HOMER1: variants seen among roughly 807,000 people sequenced by gnomAD.
HOMER1 encodes the protein homer scaffold protein 1.
HOMER1 carries 3 observed loss-of-function variants against 48.9 expected under a neutral mutation model. The observed-to-expected ratio is 0.06, with a 90% CI of 0.03 to 0.16. The LOEUF (loss-of-function observed/expected upper bound fraction) is 0.16. Among genes scored for constraint, HOMER1 ranks in the 10% least tolerant of loss-of-function variants. The pLI is 1.00. For synonymous variants in HOMER1, 134 were observed against 146.4 expected, an observed-to-expected ratio of 0.92 and a Z score of 0.61; for missense variants, 247 against 411.4, an observed-to-expected ratio of 0.60 and a Z score of 3.46.
rs79742333 is a variant in HOMER1, at chr5:79,421,924, A to G, written c.527+17086T>C. On this transcript the variant is annotated intron_variant, in intron 5 of 8. Transcript: ENST00000334082. The stretch of plus-strand genomic sequence containing the variant: ...GCCTGGCCAATACTTTTCAATGTAA[A>G]TAGTTATAAAAATCAACATAGGCCG... 5.6e-3 allele frequency among the ~76,000 whole-genome samples: 860 copies of G among 152,220 alleles called. 7 individuals carry two copies. Among genetic ancestry groups the G allele is most frequent in the African/African-American group, 0.02 (827 of 41,532 alleles).
chr5:79,472,403 A>C (rs1202593336), intron 1 of HOMER1, among the ~76,000 whole-genome samples: 1 of 152,222 alleles, frequency 6.6e-6, no homozygotes, highest in Non-Finnish European at 1.5e-5. Context: ...GTAAACATTC[A>C]TTGAGCTGCA....
chr5:79,387,937 A>T (rs767027172), intron 8 of HOMER1, among the ~76,000 whole-genome samples: 12 of 152,262 alleles, frequency 7.9e-5, no homozygotes, highest in Non-Finnish European at 1.8e-4. Flanking sequence ...TAATTAGAAA[A>T]TATAAGCACC....
chr5:79,465,584 C>CTTTTTTTTTTTTTTTTTTTTTTTTTTTTT (rs10666507), intron 1 of HOMER1, among the ~76,000 whole-genome samples: 2 of 77,894 alleles, frequency 2.6e-5, no homozygotes, highest in African/African-American at 1.2e-4. Context: ...TACATTTCTT[C>CTTTTTTTTTTTTTTTTTTTTTTTTTTTTT]TTTTTTTTTT....
At chr5:79,387,101 T>TCTCTCTCTC (rs1580416137) in intron 8 of HOMER1, among the ~76,000 whole-genome samples, 1 of 124,198 alleles carries the variant, frequency 8.1e-6, no homozygotes, top group Non-Finnish European at 1.6e-5. Flanking sequence ...CTCTCTCTCT[T>TCTCTCTCTC]TCTTTCACAA....
At chr5:79,393,187 AAAAT>A (rs1211354931) in intron 8 of HOMER1, among the ~76,000 whole-genome samples, 3 of 152,220 alleles carry the variant, frequency 2.0e-5, no homozygotes, top group Non-Finnish European at 4.4e-5. Flanking sequence ...TATTGAAATA[AAAAT>A]AAATAGCTTA....
In HOMER1 at chr5:79,451,556, CTTTTTT is replaced by C. The variant is rs71615542; in HGVS notation, c.163-441_163-436del. 2.0e-4 allele frequency among the ~76,000 whole-genome samples: 13 copies of C among 64,640 alleles called. No homozygotes were observed. The South Asian group carries it at 2.0e-3, about 10-fold the overall frequency. The allele number at this position is 64,640 out of a possible 152,430, so 42.4% of individuals were successfully genotyped here. A position where few individuals can be genotyped will look rare whatever the true frequency, so the allele number is the denominator to read the frequency against. On this transcript the variant is annotated intron_variant, in intron 2 of 8. Coordinates refer to ENST00000334082, the MANE Select transcript of HOMER1 (RefSeq NM_004272.5). Reference sequence around the variant, plus strand: ...GAAAATATGCATAGAAAATATGACACTTTTTTTTTTTTTTTTTTTTTTTTTTTTAGA... The same window carrying C: ...GAAAATATGCATAGAAAATATGACACTTTTTTTTTTTTTTTTTTTTTTAGA...
chr5:79,410,199 A>G (rs1749778858), intron 5 of HOMER1, among the ~76,000 whole-genome samples: 2 of 152,138 alleles, frequency 1.3e-5, no homozygotes, highest in South Asian at 4.1e-4. Context: ...GCAGTATGAA[A>G]TACAACTTAG....
Position 79,468,412 on chromosome 5 carries a change from A to T in HOMER1, c.6-11394T>A, listed in dbSNP as rs187051270. Among the ~76,000 whole-genome samples the T allele has an allele frequency of 4.1e-3, 621 of 152,282 alleles. 5 individuals are homozygous for T. Among genetic ancestry groups the T allele is most frequent in the African/African-American group, 0.014 (580 of 41,570 alleles). ...GATTTCAAAGACTTAGTATTTTTTT[A>T]AAAAATGTAATGTATCTCCATGACT... On this transcript the variant is annotated intron_variant, in intron 1 of 8. Transcript: ENST00000334082.
At chr5:79,435,165 T>TAAGTAACTTAA (rs2112269348) in intron 5 of HOMER1, among the ~76,000 whole-genome samples, 1 of 152,086 alleles carries the variant, frequency 6.6e-6, no homozygotes, top group African/African-American at 2.4e-5. Flanking sequence ...CTTATTTCTC[T>TAAGTAACTTAA]AAAGCTAAGT....
At chr5:79,395,956 C>G (rs1423687279) in intron 8 of HOMER1, among the ~76,000 whole-genome samples, 1 of 152,220 alleles carries the variant, frequency 6.6e-6, no homozygotes, top group African/African-American at 2.4e-5. Context: ...TTTCAGGTCC[C>G]TCTTATTATG....
chr5:79,500,953 G>GTGTGAC (rs1491130611), intron 1 of HOMER1, among the ~76,000 whole-genome samples: 15 of 113,752 alleles, frequency 1.3e-4, no homozygotes, highest in African/African-American at 5.3e-4. Flanking sequence ...GTGTGTGTGT[G>GTGTGAC]AGACAGACAG....
chr5:79,451,722 C>T (rs183153740), intron 2 of HOMER1, among the ~76,000 whole-genome samples: 5 of 151,736 alleles, frequency 3.3e-5, no homozygotes, highest in African/African-American at 7.3e-5. Context: ...CCCACTACCA[C>T]GCCCTACTAA....
intron 8 of HOMER1, among the ~76,000 whole-genome samples, chr5:79,385,356 C>T (rs1021152865): frequency 6.6e-6 from 1 of 152,070 alleles, no homozygotes; most frequent in East Asian, 1.9e-4. Context: ...ATTCATCTGA[C>T]AAGGGACTAA....
chr5:79,513,495 G>C lies in HOMER1; in HGVS notation c.-721C>G, dbSNP rs1753001059. On this transcript the variant is annotated 5_prime_UTR_variant, in exon 1 of 9. Transcript: ENST00000334082. ...CATTCTCCCGAAGAGAATAAACGGA[G>C]CCATTTCCAGGCTGGCAGCAGGCTG... is the stretch of plus-strand genomic sequence containing the variant. The C allele has an allele frequency of 6.6e-6, 1 of 152,576 alleles. No individual in the cohort carries two copies. The highest frequency in any genetic ancestry group is 2.4e-5 in the African/African-American group (1 of 41,472). 9.5% of individuals were successfully genotyped at this position (152,576 alleles called of 1,614,324 possible).
At chr5:79,387,178 C>T (rs916815447) in intron 8 of HOMER1, among the ~76,000 whole-genome samples, 12 of 151,876 alleles carry the variant, frequency 7.9e-5, no homozygotes, top group South Asian at 4.2e-4. Flanking sequence ...GTCACCCAGA[C>T]GTGCAGTGGT....
intron 5 of HOMER1, among the ~76,000 whole-genome samples, chr5:79,436,096 G>A (rs1263642845): frequency 4.6e-5 from 7 of 151,014 alleles, no homozygotes; most frequent in Admixed American, 2.0e-4. Flanking sequence ...ACTGCAGTCC[G>A]CAGTCCGGCC....
chr5:79,391,639 G>A (rs959266063), intron 8 of HOMER1, among the ~76,000 whole-genome samples: 9 of 151,574 alleles, frequency 5.9e-5, no homozygotes, highest in African/African-American at 1.2e-4. Flanking sequence ...CCAGCTACTC[G>A]GGAGGCTGAG....
At chr5:79,432,227 G>A (rs556580741) in intron 5 of HOMER1, among the ~76,000 whole-genome samples, 25 of 152,298 alleles carry the variant, frequency 1.6e-4, no homozygotes, top group African/African-American at 4.8e-4. Flanking sequence ...AAAACTGTCC[G>A]TATCACCTAC....
intron 1 of HOMER1, among the ~76,000 whole-genome samples, chr5:79,509,638 T>G (rs896364211): frequency 6.6e-6 from 1 of 152,040 alleles, no homozygotes; most frequent in African/African-American, 2.4e-5. Flanking sequence ...TTGCCTTCAC[T>G]GCAATTAACA....
Sources: gnomAD v4.1 joint callset for allele counts (sites outside exome capture counted in the v4.1 genomes callset) on GRCh38, gnomAD v4.1.1 for gene constraint, MANE v1.5 for transcripts, NCBI Gene and HGNC (gene_info 2026-07-23, HGNC 2026-07-21) for gene names.